The following EXOC2 variants were observed in gnomAD, a reference collection of about 807,000 sequenced individuals.
EXOC2 encodes the protein exocyst complex component 2.
Under a neutral mutation model 131.8 loss-of-function variants are expected in EXOC2, and 70 were observed. That is an observed-to-expected ratio of 0.53 (90% CI 0.44 to 0.65). The LOEUF (loss-of-function observed/expected upper bound fraction) is 0.65. Among genes scored for constraint, EXOC2 ranks in the 30% least tolerant of loss-of-function variants. EXOC2 has a pLI of 0.00. For synonymous variants in EXOC2, 411 were observed against 398.4 expected (o/e 1.03, Z -0.38); for missense variants, 923 against 1,108.6 (o/e 0.83, Z 2.38).
intron 23 of EXOC2, among the ~76,000 whole-genome samples, chr6:530,258 A>G (rs2473478): frequency 0.95 from 145,369 of 152,312 alleles, 69,443 homozygotes; most frequent in East Asian, 1. Context: ...GCAAACACTT[A>G]GAAGAGAAGG....
intron 22 of EXOC2, among the ~76,000 whole-genome samples, chr6:536,652 A>C (rs1244444320): frequency 6.6e-6 from 1 of 152,186 alleles, no homozygotes; most frequent in Non-Finnish European, 1.5e-5. Context: ...CTGACTATAA[A>C]CCTATAATAA....
At chr6:626,652 C>T (rs972840253) in intron 4 of EXOC2, among the ~76,000 whole-genome samples, 3 of 151,986 alleles carry the variant, frequency 2.0e-5, no homozygotes, top group Admixed American at 6.5e-5. Flanking sequence ...AGTGCAGTGA[C>T]CCGACCTCTG....
At chr6:552,155 A>G (rs1449969512) in intron 21 of EXOC2, among the ~76,000 whole-genome samples, 1 of 152,192 alleles carries the variant, frequency 6.6e-6, no homozygotes, top group Non-Finnish European at 1.5e-5. Flanking sequence ...CCACGTTGCT[A>G]AATAGCAGAA....
At chr6:533,928 C>T (rs1250270931) in intron 22 of EXOC2, among the ~76,000 whole-genome samples, 1 of 152,124 alleles carries the variant, frequency 6.6e-6, no homozygotes, top group Non-Finnish European at 1.5e-5. Flanking sequence ...GGCACATCCA[C>T]CAAGCAGTGA....
intron 22 of EXOC2, among the ~76,000 whole-genome samples, chr6:540,404 T>C (rs533385697): frequency 2.6e-5 from 4 of 152,374 alleles, no homozygotes; most frequent in Admixed American, 2.6e-4. Flanking sequence ...GAAAGAACTT[T>C]ACTGCTACCA....
intron 7 of EXOC2, among the ~76,000 whole-genome samples, chr6:606,829 G>A (rs1043712251): frequency 2.2e-4 from 34 of 152,320 alleles, no homozygotes; most frequent in African/African-American, 8.2e-4. Flanking sequence ...TCTCCATTTG[G>A]TGGATTTGCG....
chr6:545,168 A>G (rs545893091), intron 22 of EXOC2, among the ~76,000 whole-genome samples: 4 of 151,822 alleles, frequency 2.6e-5, no homozygotes, highest in Non-Finnish European at 4.4e-5. Context: ...AAAAAAAAAA[A>G]AAAAAAAAAA....
chr6:497,333 A>G (rs376955220), intron 25 of EXOC2, 34 bp downstream of exon 25: 1 of 1,601,750 alleles, frequency 6.2e-7, no homozygotes, highest in Non-Finnish European at 8.5e-7. Context: ...AAATAACAAC[A>G]GAAGTTCAAT....
rs1350692585 is a variant in EXOC2, at chr6:599,111, A to C, written c.857T>G (p.Leu286Arg). ...AATATTCCTTTCAATATTTAGAGGAAGGTTGAAAAGAAACTTAAATCGCTG... is the reference window on the plus strand; with the variant it reads ...AATATTCCTTTCAATATTTAGAGGACGGTTGAAAAGAAACTTAAATCGCTG... Reference protein sequence around the residue: ...VLQRFKFLFNLPLNIERNIQK... With the variant: ...VLQRFKFLFNRPLNIERNIQK... The change falls in exon 8 of 28, where the codon CTT becomes CGT. Residue 286 changes from leucine to arginine, a missense_variant. By Grantham distance (102) the Leu-to-Arg change is moderately radical. Coordinates refer to ENST00000230449, the MANE Select transcript of EXOC2 (RefSeq NM_018303.6). The C allele has an allele frequency of 6.2e-7, 1 of 1,612,580 alleles. No individual in the cohort carries two copies. Among genetic ancestry groups the C allele is most frequent in the Non-Finnish European group, 8.5e-7 (1 of 1,179,190 alleles).
chr6:529,144 A>C (rs1283903972), intron 23 of EXOC2, among the ~76,000 whole-genome samples: 2 of 149,678 alleles, frequency 1.3e-5, no homozygotes, highest in Admixed American at 6.7e-5. Flanking sequence ...GTTACTGCTC[A>C]CTCAAGTGCT....
chr6:607,680 G>A (rs942512243), intron 7 of EXOC2, among the ~76,000 whole-genome samples: 2 of 152,208 alleles, frequency 1.3e-5, no homozygotes, highest in Non-Finnish European at 2.9e-5. Flanking sequence ...CATCATTGCA[G>A]AAATTCTATT....
At chr6:500,080 G>A (rs960722311) in intron 23 of EXOC2, among the ~76,000 whole-genome samples, 6 of 150,998 alleles carry the variant, frequency 4.0e-5, no homozygotes, top group African/African-American at 1.2e-4. Flanking sequence ...AAACATATAC[G>A]GTAAAACATA....
chr6:552,051 T>C (rs954397233), intron 21 of EXOC2, among the ~76,000 whole-genome samples: 5 of 152,334 alleles, frequency 3.3e-5, no homozygotes, highest in African/African-American at 1.2e-4. Context: ...GCCAGCTGAC[T>C]GCCTTCCCCT....
At chr6:591,765 A>G (rs6940427) in intron 11 of EXOC2, among the ~76,000 whole-genome samples, 91,998 of 151,948 alleles carry the variant, frequency 0.61, 29,593 homozygotes, top group Middle Eastern at 0.71. Flanking sequence ...GGCATTCAAT[A>G]TACTCAATAT....
At position 663,090 on chromosome 6, in the gene EXOC2, G is replaced by A. The variant is rs151202894; in HGVS notation, c.-43-25229C>T. Among the ~76,000 whole-genome samples the A allele has an allele frequency of 1.3e-3, 200 of 151,962 alleles. 4 individuals carry two copies. In the East Asian group the frequency reaches 0.029, roughly 22 times the overall value. On this transcript the variant is annotated intron_variant, in intron 1 of 27. Coordinates refer to ENST00000230449, the MANE Select transcript of EXOC2 (RefSeq NM_018303.6). ...AAGAAGAGAGAAAAGCCAAATGATC[G>A]CACTAAGAAATGCAACAGGAGATAT... is the stretch of plus-strand genomic sequence containing the variant.
chr6:486,650 C>T lies in EXOC2; in HGVS notation c.*21G>A. On this transcript the variant is annotated 3_prime_UTR_variant, in exon 28 of 28. Transcript: ENST00000230449. Reference sequence around the variant, plus strand: ...TCTTATTACGTGTTATTTTCCTGGACTTCTTTTATGTGGCAGATATTTATG... The same window carrying T: ...TCTTATTACGTGTTATTTTCCTGGATTTCTTTTATGTGGCAGATATTTATG... 1 of 1,606,012 alleles carries T rather than the reference C, an allele frequency of 6.2e-7. No individual in the cohort carries two copies. Among genetic ancestry groups the T allele is most frequent in the Non-Finnish European group, 8.5e-7 (1 of 1,172,672 alleles).
chr6:684,476 C>T (rs4143034), intron 1 of EXOC2, among the ~76,000 whole-genome samples: 86,537 of 151,978 alleles, frequency 0.57, 25,368 homozygotes, highest in East Asian at 0.79. Context: ...AAAATCAAGA[C>T]AAAAGGCCAC....
intron 27 of EXOC2, 28 bp downstream of exon 27, chr6:488,951 G>A: frequency 6.2e-7 from 1 of 1,602,178 alleles, no homozygotes; most frequent in Middle Eastern, 1.7e-4. Context: ...CATTCAACTG[G>A]CTCCTAAGAA....
At chr6:493,564 GA>G (rs1341543908) in intron 25 of EXOC2, among the ~76,000 whole-genome samples, 1 of 152,180 alleles carries the variant, frequency 6.6e-6, no homozygotes, top group Non-Finnish European at 1.5e-5. Flanking sequence ...CTGTAATCCA[GA>G]AAACATCATG....
Sources: allele counts gnomAD v4.1 joint callset (sites outside exome capture counted in the v4.1 genomes callset), GRCh38; gene constraint gnomAD v4.1.1; transcripts MANE v1.5; gene names NCBI Gene and HGNC (gene_info 2026-07-23, HGNC 2026-07-21).